CEP89: variants seen among roughly 807,000 people sequenced by gnomAD.
CEP89 encodes the protein centrosomal protein 89.
In CEP89, 95 loss-of-function variants were observed where a neutral mutation model predicts 97.6. The ratio of observed to expected loss-of-function variants is 0.97; its 90% CI spans 0.82 to 1.15. The LOEUF is 1.15. Among genes scored for constraint, CEP89 ranks in the 50% most tolerant of loss-of-function variants. CEP89 has a pLI of 0.00. For synonymous variants in CEP89, 354 were observed against 349.1 expected, an observed-to-expected ratio of 1.01 and a Z score of -0.16; for missense variants, 869 against 947.7, an observed-to-expected ratio of 0.92 and a Z score of 1.09.
chr19:32,933,038 TAAC>T (rs1170503577), intron 8 of CEP89, among the ~76,000 whole-genome samples: 1 of 150,146 alleles, frequency 6.7e-6, no homozygotes, highest in African/African-American at 2.4e-5. Context: ...AGTTCAATAA[TAAC>T]AGAAATACAA....
intron 14 of CEP89, among the ~76,000 whole-genome samples, chr19:32,907,717 G>A (rs1404967777): frequency 6.6e-6 from 1 of 152,188 alleles, no homozygotes; most frequent in East Asian, 1.9e-4. Context: ...CTCCCAAAGT[G>A]CTAGGATTAT....
chr19:32,891,492 A>G (rs1969516706), intron 16 of CEP89, among the ~76,000 whole-genome samples: 1 of 152,370 alleles, frequency 6.6e-6, no homozygotes, highest in South Asian at 2.1e-4. Context: ...GAACATAATA[A>G]TTCTCCAACA....
At chr19:32,904,266 A>G (rs868792575) in intron 14 of CEP89, among the ~76,000 whole-genome samples, 2 of 152,250 alleles carry the variant, frequency 1.3e-5, no homozygotes, top group African/African-American at 2.4e-5. Flanking sequence ...CAGAGAAAAC[A>G]CACGTTATCT....
intron 6 of CEP89, among the ~76,000 whole-genome samples, chr19:32,937,889 TAGGGTGC>T (rs113089473): frequency 1.1e-4 from 17 of 152,176 alleles, no homozygotes; most frequent in African/African-American, 3.9e-4. Flanking sequence ...TCACCCAGGC[TAGGGTGC>T]AGTGGTGTGA....
chr19:32,944,854 T>C (rs186703109), intron 5 of CEP89, among the ~76,000 whole-genome samples: 1 of 152,350 alleles, frequency 6.6e-6, no homozygotes, highest in African/African-American at 2.4e-5. Flanking sequence ...CTTCAGGCTT[T>C]AGACACTAAT....
Position 32,918,297 on chromosome 19 carries a change from G to C in CEP89, c.1311C>G (p.Asn437Lys). ...TCTCCAACTGCTCCAGCAACAACTTGTTTTCCTCTAAAACCAGTTTTGCTT... is the reference window on the plus strand; with the variant it reads ...TCTCCAACTGCTCCAGCAACAACTTCTTTTCCTCTAAAACCAGTTTTGCTT... ...QTQAKLVLEE[N>K]KLLLEQLEIQ... The change falls in exon 13 of 19, where the codon AAC (asparagine) becomes AAG (lysine). Residue 437 changes from asparagine (N) to lysine (K), a missense_variant. Transcript: ENST00000305768. 6.2e-7 allele frequency: 1 copy of C among 1,614,098 alleles called. No individual in the cohort carries two copies. Among genetic ancestry groups the C allele is most frequent in the Non-Finnish European group, 8.5e-7 (1 of 1,180,012 alleles).
intron 11 of CEP89, among the ~76,000 whole-genome samples, chr19:32,924,325 G>A (rs934190638): frequency 3.3e-5 from 5 of 152,144 alleles, no homozygotes; most frequent in African/African-American, 1.2e-4. Context: ...ACAACCATGA[G>A]AAAGTGTCTT....
chr19:32,956,840 A>C (rs551668238), intron 3 of CEP89, among the ~76,000 whole-genome samples: 1 of 152,370 alleles, frequency 6.6e-6, no homozygotes, highest in Non-Finnish European at 1.5e-5. Flanking sequence ...TGTAAAAGCA[A>C]ATAGCAGTCA....
intron 3 of CEP89, among the ~76,000 whole-genome samples, chr19:32,957,393 G>A (rs1282330390): frequency 2.3e-5 from 3 of 129,526 alleles, no homozygotes; most frequent in South Asian, 2.5e-4. Flanking sequence ...GTGCGTGCAT[G>A]AGCATGGCTC....
Position 32,881,837 on chromosome 19 carries a change from G to A in CEP89, c.2135+7C>T, listed in dbSNP as rs377481339. ...CTGCGGGCCATGGCGCAGGGCGCAT[G>A]CCCCACCTGTTCTGCTGCAGCGCCT... On this transcript the variant is annotated splice_region_variant and intron_variant, in intron 18 of 18. Transcript: ENST00000305768. 2.0e-5 allele frequency: 32 copies of A among 1,597,578 alleles called. No individual in the cohort carries two copies. Among genetic ancestry groups the A allele is most frequent in the Non-Finnish European group, 2.5e-5 (30 of 1,177,212 alleles).
At chr19:32,925,505 T>TC (rs199944711) in intron 11 of CEP89, among the ~76,000 whole-genome samples, 4,584 of 133,532 alleles carry the variant, frequency 0.034, 129 homozygotes, top group South Asian at 0.095. Context: ...TTTTTTTTTT[T>TC]TCGAGACGGA....
At chr19:32,912,807 C>T (rs1197563882) in intron 14 of CEP89, among the ~76,000 whole-genome samples, 1 of 151,898 alleles carries the variant, frequency 6.6e-6, no homozygotes, top group Non-Finnish European at 1.5e-5. Context: ...CTTTGGGAGG[C>T]TGAGGCGGGT....
intron 14 of CEP89, among the ~76,000 whole-genome samples, chr19:32,901,903 G>A (rs537314654): frequency 6.6e-6 from 1 of 152,192 alleles, no homozygotes; most frequent in Non-Finnish European, 1.5e-5. Flanking sequence ...CGGATTACAG[G>A]CATGAGCCAC....
chr19:32,969,036 G>A (rs1262167766), intron 1 of CEP89: 6 of 152,208 alleles, frequency 3.9e-5, no homozygotes, highest in South Asian at 4.1e-4. Context: ...CCTGGAGAGA[G>A]TGGCTCCTCT....
Position 32,942,368 on chromosome 19 carries a change from C to T in CEP89, c.596-2483G>A, listed in dbSNP as rs369351710. On this transcript the variant is annotated intron_variant, in intron 5 of 18. Transcript: ENST00000305768. Reference sequence around the variant, plus strand: ...CACACTCCAGCCTGGACAACAAGAGCGACCCCGCCTCAAAAAAATAAGAAA... The same window carrying T: ...CACACTCCAGCCTGGACAACAAGAGTGACCCCGCCTCAAAAAAATAAGAAA... 2.6e-5 allele frequency among the ~76,000 whole-genome samples: 4 copies of T among 152,110 alleles called. No homozygotes were observed. The South Asian group carries it at 6.2e-4, about 24-fold the overall frequency.
chr19:32,965,187 C>T (rs1016629142), intron 2 of CEP89, among the ~76,000 whole-genome samples: 2 of 152,106 alleles, frequency 1.3e-5, no homozygotes. Flanking sequence ...TCAGTTTACC[C>T]TAGGAGTTCA....
chr19:32,937,467 T>A, intron 7 of CEP89, 164 bp downstream of exon 7: 1 of 620,088 alleles, frequency 1.6e-6, no homozygotes, highest in Non-Finnish European at 2.9e-6. Flanking sequence ...TGTATGGACA[T>A]ACGTCCACTA....
At chr19:32,912,578 T>C (rs1287950342) in intron 14 of CEP89, among the ~76,000 whole-genome samples, 3 of 152,192 alleles carry the variant, frequency 2.0e-5, no homozygotes, top group Non-Finnish European at 4.4e-5. Context: ...TCACTCTCTC[T>C]CTTTTTCTCA....
At chr19:32,889,768 C>T (rs1316206480) in intron 16 of CEP89, among the ~76,000 whole-genome samples, 2 of 152,328 alleles carry the variant, frequency 1.3e-5, no homozygotes, top group Non-Finnish European at 2.9e-5. Context: ...GTGGCCTCAA[C>T]ATGTGGCGGG....
Sources: allele counts gnomAD v4.1 joint callset (sites outside exome capture counted in the v4.1 genomes callset), GRCh38; gene constraint gnomAD v4.1.1; transcripts MANE v1.5; gene names NCBI Gene and HGNC (gene_info 2026-07-23, HGNC 2026-07-21).